The following EYS variants were observed in gnomAD, a reference collection of about 807,000 sequenced individuals.
EYS encodes the protein EGF-like photoreceptor maintenance factor, also known as protein eyes shut homolog.
A neutral mutation model predicts 282.1 loss-of-function variants in EYS; 250 were observed. That is an observed-to-expected ratio of 0.89 (90% CI 0.80 to 0.98). The LOEUF (loss-of-function observed/expected upper bound fraction) is 0.98, where lower values mean the gene tolerates loss of function less well. Ranked by LOEUF, EYS falls within the 50% of genes least tolerant of loss-of-function variation. EYS has a pLI of 0.00. For missense variants in EYS, 4,016 were observed against 3,709.0 expected (o/e 1.08, Z -2.15); for synonymous variants, 1,355 against 1,282.9 (o/e 1.06, Z -1.20).
chr6:65,246,843 C>T (rs1304422471), intron 12 of EYS, among the ~76,000 whole-genome samples: 1 of 152,090 alleles, frequency 6.6e-6, no homozygotes, highest in Non-Finnish European at 1.5e-5. Flanking sequence ...TATTTCAGTT[C>T]TTGCTTTTTC....
At chr6:65,395,987 T>G (rs1190923012) in intron 7 of EYS, among the ~76,000 whole-genome samples, 1 of 152,204 alleles carries the variant, frequency 6.6e-6, no homozygotes, top group Admixed American at 6.6e-5. Context: ...CTTAGCATAA[T>G]GCCCTCAACA....
chr6:63,992,293 T>C (rs983976073), intron 34 of EYS, among the ~76,000 whole-genome samples: 10 of 151,856 alleles, frequency 6.6e-5, no homozygotes, highest in Admixed American at 4.6e-4. Flanking sequence ...ATTTTTATGG[T>C]TTTTATTCTG....
At chr6:64,424,255 T>C (rs1352764185) in intron 28 of EYS, among the ~76,000 whole-genome samples, 1 of 152,142 alleles carries the variant, frequency 6.6e-6, no homozygotes, top group East Asian at 1.9e-4. Flanking sequence ...CACACAGATA[T>C]AAAACATCCA....
intron 33 of EYS, among the ~76,000 whole-genome samples, chr6:64,053,548 C>T (rs1292361376): frequency 2.6e-5 from 4 of 152,084 alleles, no homozygotes; most frequent in Non-Finnish European, 5.9e-5. Flanking sequence ...TCAGTGTCCT[C>T]TGGCTTATGT....
chr6:64,554,753 A>T (rs12663626), intron 26 of EYS, among the ~76,000 whole-genome samples: 14,964 of 152,078 alleles, frequency 0.098, 920 homozygotes, highest in East Asian at 0.16. Context: ...GAAGACATAC[A>T]AATGGACAAT....
intron 7 of EYS, among the ~76,000 whole-genome samples, chr6:65,393,420 T>C (rs1378137735): frequency 1.3e-5 from 2 of 152,178 alleles, no homozygotes; most frequent in Non-Finnish European, 2.9e-5. Flanking sequence ...AGATTAAGCT[T>C]TCCTGTTGAA....
chr6:64,908,089 C>T (rs1262101880), intron 16 of EYS, among the ~76,000 whole-genome samples: 1 of 152,178 alleles, frequency 6.6e-6, no homozygotes, highest in East Asian at 1.9e-4. Context: ...ATCCCTTGTG[C>T]ATATTTCTGG....
intron 22 of EYS, among the ~76,000 whole-genome samples, chr6:64,785,142 T>C (rs1348330678): frequency 2.6e-5 from 4 of 152,182 alleles, no homozygotes; most frequent in Non-Finnish European, 5.9e-5. Flanking sequence ...AAGAAAATGT[T>C]CTAATGCATA....
chr6:64,144,451 A>C (rs1774443259), intron 31 of EYS, among the ~76,000 whole-genome samples: 1 of 152,164 alleles, frequency 6.6e-6, no homozygotes, highest in South Asian at 2.1e-4. Flanking sequence ...TGTTTTATGC[A>C]CTATACTTCA....
intron 29 of EYS, among the ~76,000 whole-genome samples, chr6:64,359,402 G>A (rs1483683891): frequency 1.3e-5 from 2 of 151,610 alleles, no homozygotes; most frequent in Admixed American, 6.6e-5. Flanking sequence ...ATGGTTTGCT[G>A]GCCTATGTCT....
chr6:64,610,583 T>C (rs1767083593), intron 24 of EYS, among the ~76,000 whole-genome samples: 1 of 151,936 alleles, frequency 6.6e-6, no homozygotes, highest in African/African-American at 2.4e-5. Context: ...TTTGTATTTT[T>C]AGTAGAAACG....
intron 30 of EYS, among the ~76,000 whole-genome samples, chr6:64,243,430 C>T (rs1052850788): frequency 1.3e-5 from 2 of 152,150 alleles, no homozygotes; most frequent in South Asian, 4.1e-4. Context: ...CAGCCACTTT[C>T]GTGGACTCAG....
intron 35 of EYS, among the ~76,000 whole-genome samples, chr6:63,870,664 G>GCTCTAAAA (rs1287830187): frequency 6.6e-6 from 1 of 152,124 alleles, no homozygotes; most frequent in Non-Finnish European, 1.5e-5. Context: ...TGGCAGGCTT[G>GCTCTAAAA]CTCTAAAAGT....
intron 14 of EYS, among the ~76,000 whole-genome samples, chr6:64,995,613 T>A (rs1373038497): frequency 1.3e-5 from 2 of 152,142 alleles, no homozygotes; most frequent in Admixed American, 1.3e-4. Context: ...GACTTACAGT[T>A]AGGAGTTAGA....
chr6:63,789,371 T>C (rs774383136), intron 37 of EYS, 147 bp from the exon 38 acceptor site: 86 of 721,862 alleles, frequency 1.2e-4, no homozygotes, highest in Non-Finnish European at 1.6e-4. Flanking sequence ...TAGGTATATG[T>C]GCAACTGGCT....
At chr6:63,914,806 C>T (rs1010560024) in intron 35 of EYS, among the ~76,000 whole-genome samples, 3 of 151,896 alleles carry the variant, frequency 2.0e-5, no homozygotes, top group African/African-American at 4.8e-5. Flanking sequence ...GACAACATTC[C>T]TTTAAGCCAA....
intron 2 of EYS, among the ~76,000 whole-genome samples, chr6:65,551,777 C>CAT (rs1461607288): frequency 2.3e-3 from 4 of 1,760 alleles, no homozygotes; most frequent in African/African-American, 0.011. Context: ...GCAAGGACTT[C>CAT]ATGTCCAAAA....
intron 5 of EYS, among the ~76,000 whole-genome samples, chr6:65,438,741 A>T (rs1161706834): frequency 6.6e-6 from 1 of 151,938 alleles, no homozygotes; most frequent in Non-Finnish European, 1.5e-5. Context: ...TTCTTTGTAG[A>T]TTCTGGATAT....
At chr6:64,286,041 A>G (rs917232450) in intron 30 of EYS, among the ~76,000 whole-genome samples, 15 of 152,324 alleles carry the variant, frequency 9.8e-5, no homozygotes, top group African/African-American at 3.6e-4. Context: ...CATATGTTAT[A>G]TTAGCAAGAA....
Sources: allele counts gnomAD v4.1 joint callset (sites outside exome capture counted in the v4.1 genomes callset), GRCh38; gene constraint gnomAD v4.1.1; transcripts MANE v1.5; gene names NCBI Gene and HGNC (gene_info 2026-07-23, HGNC 2026-07-21).